MEF2C: variants seen among roughly 807,000 people sequenced by gnomAD.
The protein encoded by MEF2C is myocyte enhancer factor 2C, also known as myocyte-specific enhancer factor 2C.
A neutral mutation model predicts 50.5 loss-of-function variants in MEF2C; 6 were observed. The observed-to-expected ratio is 0.12, with a 90% CI of 0.07 to 0.23. The LOEUF is 0.23. Ranked by LOEUF, MEF2C falls within the 10% of genes least tolerant of loss-of-function variation. MEF2C has a pLI of 1.00. For synonymous variants in MEF2C, 183 were observed against 228.0 expected (o/e 0.80, Z 1.78); for missense variants, 276 against 605.0 (o/e 0.46, Z 5.70).
chr5:88,827,474 T>G (rs545100890), intron 1 of MEF2C, among the ~76,000 whole-genome samples: 2 of 151,956 alleles, frequency 1.3e-5, no homozygotes, highest in African/African-American at 4.8e-5. Context: ...AGCAGAACCG[T>G]CTGAGTGTGC....
intron 5 of MEF2C, chr5:88,749,602 T>A: frequency 3.2e-6 from 2 of 617,752 alleles, no homozygotes; most frequent in Non-Finnish European, 4.0e-6. Flanking sequence ...TGACACAATA[T>A]AACAAATTTT....
In MEF2C at chr5:88,729,366, A is replaced by C. The variant is rs1232514265; in HGVS notation, c.835-19T>G. ...TTTGATTCTTTTAAAATAAATAAAA[A>C]GACATTACTGATGAATTTTTTTAAA... On this transcript the variant is annotated intron_variant, in intron 8 of 10. Transcript: ENST00000504921. 6.4e-7 allele frequency: 1 copy of C among 1,570,282 alleles called. No homozygotes were observed. The highest frequency in any genetic ancestry group is 1.4e-5 in the African/African-American group (1 of 73,120).
chr5:88,743,850 TAAG>T, intron 6 of MEF2C: 1 of 977,458 alleles, frequency 1.0e-6, no homozygotes. Flanking sequence ...ACATTCAAAA[TAAG>T]AAAACAGATG....
chr5:88,730,061 G>A (rs904435556), intron 8 of MEF2C, 150 bp downstream of exon 8: 13 of 635,802 alleles, frequency 2.0e-5, no homozygotes, highest in Non-Finnish European at 1.2e-5. Flanking sequence ...TTTCACCTGT[G>A]AGTGATGCCA....
intron 1 of MEF2C, among the ~76,000 whole-genome samples, chr5:88,858,790 G>A (rs796092321): frequency 1.3e-5 from 2 of 152,032 alleles, no homozygotes; most frequent in Non-Finnish European, 1.5e-5. Flanking sequence ...AATAAAAAAC[G>A]CTATTTTTAA....
At chr5:88,814,323 C>CTT (rs1804297605) in intron 2 of MEF2C, among the ~76,000 whole-genome samples, 2 of 151,846 alleles carry the variant, frequency 1.3e-5, no homozygotes, top group Admixed American at 1.3e-4. Flanking sequence ...CCTCTGCAGA[C>CTT]TTGTGTTCTA....
chr5:88,725,375 T>C (rs906335393), intron 10 of MEF2C, among the ~76,000 whole-genome samples: 1 of 152,094 alleles, frequency 6.6e-6, no homozygotes, highest in Non-Finnish European at 1.5e-5. Flanking sequence ...ACATAGGATA[T>C]AAAATAGAAT....
chr5:88,759,034 A>T (rs1429511180), intron 4 of MEF2C, among the ~76,000 whole-genome samples: 1 of 152,238 alleles, frequency 6.6e-6, no homozygotes, highest in African/African-American at 2.4e-5. Flanking sequence ...AGTACTGCAT[A>T]CATCTGTCTT....
intron 3 of MEF2C, among the ~76,000 whole-genome samples, chr5:88,768,003 G>A (rs990323118): frequency 6.6e-6 from 1 of 152,106 alleles, no homozygotes; most frequent in Non-Finnish European, 1.5e-5. Flanking sequence ...CTCAAGCTGG[G>A]CTCTCCTTCA....
At chr5:88,807,280 G>T (rs796554640) in intron 2 of MEF2C, among the ~76,000 whole-genome samples, 4 of 152,076 alleles carry the variant, frequency 2.6e-5, no homozygotes, top group Admixed American at 6.6e-5. Context: ...CTGGAGTGTA[G>T]CGGTACTAGA....
At chr5:88,805,679 G>A (rs969594192) in intron 2 of MEF2C, among the ~76,000 whole-genome samples, 1 of 151,952 alleles carries the variant, frequency 6.6e-6, no homozygotes, top group Non-Finnish European at 1.5e-5. Context: ...GCCTACAACA[G>A]CTCCCTCTCC....
Position 88,722,667 on chromosome 5 carries a change from C to T in MEF2C, c.1359G>A (p.Ser453=). Residue 453 remains serine (S), a synonymous_variant, in exon 11 of 11, where the codon TCG becomes TCA. Coordinates refer to ENST00000504921, the MANE Select transcript of MEF2C (RefSeq NM_002397.5). The stretch of plus-strand genomic sequence containing the variant: ...CTGAGGGACTTTCCCTTTCGTCCGG[C>T]GAAGGTCTGGTGAGTCCAATGGGGG... ...FHSPIGLTRP[S]PDERESPSVK... The T allele has an allele frequency of 6.2e-7, 1 of 1,613,634 alleles. No individual in the cohort carries two copies. The highest frequency in any genetic ancestry group is 1.1e-5 in the South Asian group (1 of 91,038).
intron 1 of MEF2C, among the ~76,000 whole-genome samples, chr5:88,832,825 A>T (rs1664497): frequency 0.81 from 122,751 of 151,376 alleles, 50,306 homozygotes; most frequent in African/African-American, 0.94. Context: ...CACTGTATTT[A>T]TATATATATG....
intron 1 of MEF2C, among the ~76,000 whole-genome samples, chr5:88,860,153 C>A (rs939336947): frequency 2.0e-5 from 3 of 152,094 alleles, no homozygotes; most frequent in African/African-American, 7.2e-5. Context: ...TACATAATGG[C>A]AATATGTTCC....
intron 1 of MEF2C, among the ~76,000 whole-genome samples, chr5:88,843,987 T>G (rs183953179): frequency 4.6e-5 from 7 of 152,240 alleles, no homozygotes; most frequent in African/African-American, 1.7e-4. Context: ...TTTTTTTGTA[T>G]TTTTAGTAGA....
chr5:88,728,743 A>G (rs1760045591), intron 9 of MEF2C, 115 bp from the exon 10 acceptor site: 2 of 785,444 alleles, frequency 2.5e-6, no homozygotes, highest in Non-Finnish European at 3.6e-6. Flanking sequence ...TCGTTATTAT[A>G]GATATTTTTA....
At chr5:88,817,845 A>C (rs1039556481) in intron 2 of MEF2C, 3 of 152,004 alleles carry the variant, frequency 2.0e-5, no homozygotes, top group Non-Finnish European at 4.4e-5. Flanking sequence ...AAATTTTCAA[A>C]TACAAACATA....
intron 1 of MEF2C, among the ~76,000 whole-genome samples, chr5:88,882,332 T>C (rs1833150587): frequency 6.6e-6 from 1 of 152,190 alleles, no homozygotes; most frequent in Non-Finnish European, 1.5e-5. Flanking sequence ...CGAACGTGAA[T>C]TGTGAAATGT....
chr5:88,838,479 AG>A, intron 1 of MEF2C: 2 of 842,358 alleles, frequency 2.4e-6, no homozygotes, highest in South Asian at 1.1e-4. Flanking sequence ...TCCCGGAAAA[AG>A]AAACCCAAAA....
Sources: gnomAD v4.1 joint callset for allele counts (sites outside exome capture counted in the v4.1 genomes callset) on GRCh38, gnomAD v4.1.1 for gene constraint, MANE v1.5 for transcripts, NCBI Gene and HGNC (gene_info 2026-07-23, HGNC 2026-07-21) for gene names.